REPS2: variants seen among roughly 807,000 people sequenced by gnomAD.
The protein encoded by REPS2 is ralBP1-associated Eps domain-containing protein 2.
Under a neutral mutation model 53.6 loss-of-function variants are expected in REPS2, and 23 were observed. That is an observed-to-expected ratio of 0.43 (90% confidence interval 0.31 to 0.61). The LOEUF (loss-of-function observed/expected upper bound fraction) is 0.61, where lower values mean the gene tolerates loss of function less well. Ranked by LOEUF, REPS2 falls within the 20% of genes least tolerant of loss-of-function variation. The pLI is 0.11. For synonymous variants in REPS2, 238 were observed against 218.6 expected (o/e 1.09, Z -0.78); for missense variants, 446 against 534.9 (o/e 0.83, Z 1.64).
At chrX:16,963,162 A>G (rs938024455) in intron 1 of REPS2, among the ~76,000 whole-genome samples, 1 of 111,718 alleles carries the variant, frequency 9.0e-6, no homozygotes, top group Admixed American at 9.5e-5. Context: ...GATTTGTTCT[A>G]TTTGTTTTCT....
At chrX:17,026,895 C>T (rs1353727275) in intron 4 of REPS2, among the ~76,000 whole-genome samples, 1 of 111,711 alleles carries the variant, frequency 9.0e-6, no homozygotes, top group Non-Finnish European at 1.9e-5. Context: ...TTAGGTGATC[C>T]TCCCACCTCA....
At chrX:17,088,938 G>A (rs1245893388) in intron 13 of REPS2, among the ~76,000 whole-genome samples, 1 of 111,393 alleles carries the variant, frequency 9.0e-6, no homozygotes, top group Non-Finnish European at 1.9e-5. Flanking sequence ...AGCAGATTTG[G>A]TATCAAAGAA....
In REPS2 at chrX:16,956,284, G is replaced by GTTTTT. The variant is rs869259012; in HGVS notation, c.273+9181_273+9185dup. Among the ~76,000 whole-genome samples, 13 of 24,757 alleles carry GTTTTT rather than the reference G, an allele frequency of 5.3e-4. 1 individual carries two copies. The highest frequency in any genetic ancestry group is 6.8e-4 in the Non-Finnish European group (11 of 16,152). 21.5% of individuals were successfully genotyped at this position (24,757 alleles called of 115,157 possible). A position where few individuals can be genotyped will look rare whatever the true frequency, so the allele number is the denominator to read the frequency against. On this transcript the variant is annotated intron_variant, in intron 1 of 17. Coordinates refer to ENST00000357277, the MANE Select transcript of REPS2 (RefSeq NM_004726.3). ...TGCATGTAAGCAAAAAACCACAGCA[G>GTTTTT]TTTTTTTTTTTTTTTTTTTTTTTTT... is the stretch of plus-strand genomic sequence containing the variant.
the REPS2 span, among the ~76,000 whole-genome samples, chrX:17,189,792 G>A: frequency 9.0e-6 from 1 of 110,927 alleles, no homozygotes; most frequent in Non-Finnish European, 1.9e-5. Context: ...GTGTAGAGTA[G>A]AATTGCATTT....
At chrX:17,182,132 C>CTCTGTCTATCTATCTA in the REPS2 span, among the ~76,000 whole-genome samples, 2 of 90,446 alleles carry the variant, frequency 2.2e-5, no homozygotes, top group African/African-American at 8.6e-5. Flanking sequence ...ACCTAGTGTG[C>CTCTGTCTATCTATCTA]TCTATCTGTC....
intron 1 of REPS2, 49 bp downstream of exon 1, chrX:16,947,183 C>A (rs2060447420): frequency 1.0e-6 from 1 of 972,119 alleles, no homozygotes; most frequent in Non-Finnish European, 1.3e-6. Flanking sequence ...GCAGTGTGTG[C>A]GGGGGCGGAG....
chrX:16,959,834 C>A (rs1408652655), intron 1 of REPS2, among the ~76,000 whole-genome samples: 1 of 111,386 alleles, frequency 9.0e-6, no homozygotes, highest in African/African-American at 3.3e-5. Context: ...GCCAGCATCA[C>A]CCTGATTTCA....
intron 13 of REPS2, among the ~76,000 whole-genome samples, chrX:17,093,573 A>G (rs1194766519): frequency 1.8e-5 from 2 of 110,283 alleles, no homozygotes; most frequent in Non-Finnish European, 3.8e-5. Flanking sequence ...GGGTTTTAAA[A>G]TGTTGATTAT....
Position 17,149,433 on chromosome X carries a change from G to C in REPS2, c.*1952G>C, listed in dbSNP as rs770366402. 8.6e-6 allele frequency: 1 copy of C among 116,765 alleles called. No homozygotes were observed. The highest frequency in any genetic ancestry group is 9.1e-5 in the Admixed American group (1 of 10,942). 9.6% of individuals were successfully genotyped at this position (116,765 alleles called of 1,213,427 possible). ...CAATTCTTGTGCCTCAGCCTCCCGA[G>C]TAGCTGGGATTACAGGCACCCACCA... On this transcript the variant is annotated 3_prime_UTR_variant, in exon 18 of 18. Transcript: ENST00000357277.
intron 14 of REPS2, among the ~76,000 whole-genome samples, chrX:17,126,784 T>C: frequency 8.9e-6 from 1 of 111,953 alleles, no homozygotes; most frequent in East Asian, 2.8e-4. Context: ...CTGTAGCTGC[T>C]TTAGCACAAC....
At chrX:17,162,251 G>C in the REPS2 span, among the ~76,000 whole-genome samples, 1 of 112,472 alleles carries the variant, frequency 8.9e-6, no homozygotes, top group Non-Finnish European at 1.9e-5. Context: ...AGCTCATCCA[G>C]TGTGAACTGC....
intron 14 of REPS2, among the ~76,000 whole-genome samples, chrX:17,120,847 G>T (rs1029422299): frequency 1.8e-5 from 2 of 111,911 alleles, no homozygotes; most frequent in Non-Finnish European, 3.8e-5. Context: ...CACGCATAGC[G>T]CATCTTCAAC....
chrX:17,192,224 ATG>A, the REPS2 span, among the ~76,000 whole-genome samples: 5 of 112,436 alleles, frequency 4.4e-5, no homozygotes, highest in Non-Finnish European at 9.4e-5. Context: ...ATGAGCGTGC[ATG>A]TGTGTTTTCT....
At chrX:17,108,874 G>T (rs929859614) in intron 14 of REPS2, among the ~76,000 whole-genome samples, 4 of 109,498 alleles carry the variant, frequency 3.7e-5, no homozygotes, top group African/African-American at 1.3e-4. Context: ...ACTCATGGAA[G>T]GGGTGAGATG....
chrX:17,101,989 C>A (rs777686307), intron 13 of REPS2, among the ~76,000 whole-genome samples: 4 of 110,902 alleles, frequency 3.6e-5, no homozygotes, highest in Non-Finnish European at 5.7e-5. Context: ...AATTGCTTGG[C>A]CTTTCCCTTA....
At position 17,050,141 on chromosome X, in the gene REPS2, C is replaced by T. The variant is rs28879431; in HGVS notation, c.908-2241C>T. 4.5e-3 allele frequency among the ~76,000 whole-genome samples: 92 copies of T among 20,361 alleles called. 1 individual carries two copies. The highest frequency in any genetic ancestry group is 0.013 in the Admixed American group (13 of 1,038). 17.7% of individuals were successfully genotyped at this position (20,361 alleles called of 115,157 possible). On this transcript the variant is annotated intron_variant, in intron 6 of 17. Transcript: ENST00000357277. ...TTTCTTCTTTCTTTCTTCCTTTCTTCCTTTCTTTCTTTCTTTCTTTCTTTC... is the reference window on the plus strand; with the variant it reads ...TTTCTTCTTTCTTTCTTCCTTTCTTTCTTTCTTTCTTTCTTTCTTTCTTTC...
At chrX:17,037,344 T>C (rs1034916172) in intron 5 of REPS2, among the ~76,000 whole-genome samples, 2 of 112,404 alleles carry the variant, frequency 1.8e-5, no homozygotes, top group African/African-American at 6.5e-5. Flanking sequence ...AGTCTCGCTC[T>C]GTTGCCCAGG....
At chrX:16,993,656 A>G in intron 1 of REPS2, among the ~76,000 whole-genome samples, 1 of 112,453 alleles carries the variant, frequency 8.9e-6, no homozygotes, top group Middle Eastern at 4.6e-3. Flanking sequence ...ATAATTGTCC[A>G]GCTGAACTCA....
intron 13 of REPS2, among the ~76,000 whole-genome samples, chrX:17,101,839 G>T (rs1025760090): frequency 8.2e-5 from 9 of 110,145 alleles, no homozygotes; most frequent in African/African-American, 3.0e-4. Flanking sequence ...ATGTGTTTTT[G>T]GTTGTTTTAA....
Sources: allele counts gnomAD v4.1 joint callset (sites outside exome capture counted in the v4.1 genomes callset), GRCh38; gene constraint gnomAD v4.1.1; transcripts MANE v1.5; gene names NCBI Gene and HGNC (gene_info 2026-07-23, HGNC 2026-07-21).